TNIK: variants seen among roughly 807,000 people sequenced by gnomAD.
The protein encoded by TNIK is TRAF2 and NCK interacting kinase, also known as TRAF2 and NCK-interacting protein kinase.
In TNIK, 49 loss-of-function variants were observed where a neutral mutation model predicts 191.3. The observed-to-expected ratio is 0.26, with a 90% CI of 0.20 to 0.32. TNIK has a LOEUF of 0.32. Ranked by LOEUF, TNIK falls within the 10% of genes least tolerant of loss-of-function variation. TNIK has a pLI of 1.00. For synonymous variants in TNIK, 594 were observed against 600.9 expected (o/e 0.99, Z 0.17); for missense variants, 1,155 against 1,702.3 (o/e 0.68, Z 5.66).
chr3:171,384,253 G>A (rs143620851), intron 1 of TNIK, among the ~76,000 whole-genome samples: 344 of 152,314 alleles, frequency 2.3e-3, no homozygotes, highest in African/African-American at 7.8e-3. Flanking sequence ...GCACTTGGAA[G>A]GCAACTCTCC....
At position 171,140,502 on chromosome 3, in the gene TNIK, C is replaced by T; in HGVS notation, c.1229G>A (p.Arg410Lys). 1 of 1,613,472 alleles carries T rather than the reference C, an allele frequency of 6.2e-7. No homozygotes were observed. The change falls in exon 13 of 33, where the codon AGG (arginine) becomes AAG (lysine). Residue 410 changes from arginine (R) to lysine (K), a missense_variant. By Grantham distance (26) the Arg-to-Lys change is conservative. Transcript: ENST00000436636. ...EQRRRLEEQQRREKELRKQQE... is the reference protein window; with the variant it reads ...EQRRRLEEQQKREKELRKQQE... The stretch of plus-strand genomic sequence containing the variant: ...CTGCTTCCGCAGCTCCTTCTCTCGC[C>T]TTTGTTGCTGTGGGGCAACAAGCAG...
In TNIK at chr3:171,079,510, A is replaced by G; in HGVS notation, c.3448+8T>C. The G allele has an allele frequency of 1.9e-6, 3 of 1,610,116 alleles. No homozygotes were observed. Among genetic ancestry groups the G allele is most frequent in the Non-Finnish European group, 2.5e-6 (3 of 1,178,770 alleles). Reference sequence around the variant, plus strand: ...ACCAAACTTATAATTCCATGTCTTGAGACTTACCAACTTTATAATGTATAC... The same window carrying G: ...ACCAAACTTATAATTCCATGTCTTGGGACTTACCAACTTTATAATGTATAC... On this transcript the variant is annotated splice_region_variant and intron_variant, in intron 28 of 32. Transcript: ENST00000436636.
rs573842422 is a variant in TNIK at position 171,079,158 on chromosome 3, G to T, written c.3448+360C>A. Reference sequence around the variant, plus strand: ...GAATTCAGAATTTCCTGGTATTCTAGGTCTTTTTCCAGTCACTCAGCTACT... The same window carrying T: ...GAATTCAGAATTTCCTGGTATTCTATGTCTTTTTCCAGTCACTCAGCTACT... On this transcript the variant is annotated intron_variant, in intron 28 of 32. Transcript: ENST00000436636. 3.9e-5 allele frequency among the ~76,000 whole-genome samples: 6 copies of T among 152,224 alleles called. No homozygotes were observed. The South Asian group carries it at 1.2e-3, about 32-fold the overall frequency.
chr3:171,292,775 CA>C (rs59314303), intron 2 of TNIK, among the ~76,000 whole-genome samples: 5,063 of 84,942 alleles, frequency 0.06, 287 homozygotes, highest in African/African-American at 0.2. Flanking sequence ...GACTCCATCT[CA>C]AAAAAAAAAA....
intron 2 of TNIK, among the ~76,000 whole-genome samples, chr3:171,346,091 G>A (rs904655813): frequency 6.6e-6 from 1 of 152,132 alleles, no homozygotes; most frequent in South Asian, 2.1e-4. Flanking sequence ...TTTGAGTAGA[G>A]ACCTGGAGAA....
Position 171,240,259 on chromosome 3 carries a change from CA to C in TNIK, c.124-12039del, listed in dbSNP as rs142887544. On this transcript the variant is annotated intron_variant, in intron 2 of 32. Coordinates refer to ENST00000436636, the MANE Select transcript of TNIK (RefSeq NM_015028.4). ...CTTCTCTTCTCGAGCAGGTATTTCA[CA>C]TAGTCTAGGAGAGAATTGACTATCT... is the stretch of plus-strand genomic sequence containing the variant. 7.3e-4 allele frequency among the ~76,000 whole-genome samples: 111 copies of C among 152,234 alleles called. 2 individuals carry two copies. The East Asian group carries it at 0.016, about 22-fold the overall frequency.
chr3:171,187,720 C>A (rs1737532946), intron 7 of TNIK, among the ~76,000 whole-genome samples: 1 of 152,130 alleles, frequency 6.6e-6, no homozygotes, highest in African/African-American at 2.4e-5. Flanking sequence ...GGATTGCTAA[C>A]CCGGTGAGCA....
At chr3:171,264,401 C>T (rs144553372) in intron 2 of TNIK, among the ~76,000 whole-genome samples, 118 of 152,144 alleles carry the variant, frequency 7.8e-4, no homozygotes, top group African/African-American at 2.8e-3. Flanking sequence ...GTTGCACAGG[C>T]TGGAGTGCAA....
chr3:171,427,229 A>T (rs1342854162), intron 1 of TNIK, among the ~76,000 whole-genome samples: 2 of 152,106 alleles, frequency 1.3e-5, no homozygotes, highest in African/African-American at 4.8e-5. Context: ...GCTCCTCTCC[A>T]TCTCAGCAGA....
chr3:171,140,300 A>T, intron 13 of TNIK, 99 bp downstream of exon 13: 1 of 994,860 alleles, frequency 1.0e-6, no homozygotes, highest in Non-Finnish European at 1.5e-6. Context: ...AAACCCATGT[A>T]AACTGAGCAT....
intron 18 of TNIK, among the ~76,000 whole-genome samples, chr3:171,117,252 G>A (rs921586148): frequency 1.3e-5 from 2 of 152,170 alleles, no homozygotes; most frequent in Admixed American, 1.3e-4. Context: ...AAGAAATCAA[G>A]GGCTCTTTTG....
At chr3:171,249,289 A>T (rs2109075006) in intron 2 of TNIK, among the ~76,000 whole-genome samples, 1 of 152,354 alleles carries the variant, frequency 6.6e-6, no homozygotes, top group Admixed American at 6.5e-5. Context: ...TGATTTAGGA[A>T]GATAAAGCAA....
chr3:171,457,413 C>T (rs569615253), intron 1 of TNIK, among the ~76,000 whole-genome samples: 4 of 152,140 alleles, frequency 2.6e-5, no homozygotes, highest in South Asian at 2.1e-4. Flanking sequence ...AAAGAGCCAC[C>T]GAAACAGCGA....
chr3:171,152,467 G>A (rs1576976828), intron 12 of TNIK, among the ~76,000 whole-genome samples: 1 of 152,092 alleles, frequency 6.6e-6, no homozygotes, highest in Non-Finnish European at 1.5e-5. Context: ...TCCAGCTTTT[G>A]GCAGTCAATA....
chr3:171,162,493 C>A (rs973734158), intron 10 of TNIK, among the ~76,000 whole-genome samples: 1 of 152,186 alleles, frequency 6.6e-6, no homozygotes, highest in Non-Finnish European at 1.5e-5. Context: ...CCACTAGGGA[C>A]AGTCCTTTAA....
intron 2 of TNIK, among the ~76,000 whole-genome samples, chr3:171,290,706 A>C (rs1042378049): frequency 6.6e-6 from 1 of 152,210 alleles, no homozygotes; most frequent in Admixed American, 6.5e-5. Context: ...TTTTCTCTCC[A>C]TCTGAAACTT....
chr3:171,157,471 G>T lies in TNIK; in HGVS notation c.1210C>A (p.Arg404=), dbSNP rs768088861. The T allele has an allele frequency of 1.8e-5, 28 of 1,563,930 alleles. No individual in the cohort carries two copies. Among genetic ancestry groups the T allele is most frequent in the Non-Finnish European group, 2.3e-5 (27 of 1,154,888 alleles). The change falls in exon 12 of 33, where the codon CGG becomes AGG. Residue 404 remains arginine (R), a synonymous_variant. Transcript: ENST00000436636. ...RIEEQKEQRR[R]LEEQQRREKE... Reference sequence around the variant, plus strand: ...GAGCAGGTCCTCACCTCCTCCAGCCGCCGCCTCTGCTCTTTCTGCTCCTCG... The same window carrying T: ...GAGCAGGTCCTCACCTCCTCCAGCCTCCGCCTCTGCTCTTTCTGCTCCTCG...
intron 1 of TNIK, among the ~76,000 whole-genome samples, chr3:171,455,066 C>T (rs1176851806): frequency 6.6e-6 from 1 of 152,132 alleles, no homozygotes; most frequent in African/African-American, 2.4e-5. Context: ...TTCAGGGCTG[C>T]ACTTACCTCA....
chr3:171,168,284 TCACCC>T (rs1734858123), intron 9 of TNIK, among the ~76,000 whole-genome samples: 5 of 152,306 alleles, frequency 3.3e-5, no homozygotes, highest in African/African-American at 1.2e-4. Flanking sequence ...GAAACTCGGG[TCACCC>T]TTCCTGTCCT....
Sources: gnomAD v4.1 joint callset for allele counts (sites outside exome capture counted in the v4.1 genomes callset) on GRCh38, gnomAD v4.1.1 for gene constraint, MANE v1.5 for transcripts, NCBI Gene and HGNC (gene_info 2026-07-23, HGNC 2026-07-21) for gene names.